EXOC6B: variants seen among roughly 807,000 people sequenced by gnomAD.
EXOC6B encodes exocyst complex component 6B, also known as SEC15 homolog B.
Under a neutral mutation model 113.5 loss-of-function variants are expected in EXOC6B, and 54 were observed. The observed-to-expected ratio is 0.48, with a 90% CI of 0.38 to 0.60. EXOC6B has a LOEUF of 0.60. EXOC6B is among the 20% of genes least tolerant of loss of function. The probability of loss-of-function intolerance (pLI) is 0.00; values close to 1 mark genes in which losing one functional copy is unlikely to be tolerated. For missense variants in EXOC6B, 797 were observed against 977.5 expected, an observed-to-expected ratio of 0.82 and a Z score of 2.46; for synonymous variants, 357 against 339.0, an observed-to-expected ratio of 1.05 and a Z score of -0.58.
At chr2:72,746,364 A>G (rs1681694337) in intron 1 of EXOC6B, among the ~76,000 whole-genome samples, 1 of 152,132 alleles carries the variant, frequency 6.6e-6, no homozygotes, top group South Asian at 2.1e-4. Flanking sequence ...ATTTGACTCA[A>G]CTAAATAAAT....
chr2:72,672,201 C>A (rs1205897975), intron 6 of EXOC6B, among the ~76,000 whole-genome samples: 25 of 105,788 alleles, frequency 2.4e-4, no homozygotes, highest in African/African-American at 7.4e-4. Flanking sequence ...GGTATATATC[C>A]AAAAAAAAAA....
At chr2:72,207,198 T>C (rs1374091261) in intron 20 of EXOC6B, among the ~76,000 whole-genome samples, 1 of 152,230 alleles carries the variant, frequency 6.6e-6, no homozygotes, top group Non-Finnish European at 1.5e-5. Context: ...AATCCCTTAT[T>C]GATGGGTATT....
intron 19 of EXOC6B, among the ~76,000 whole-genome samples, chr2:72,359,374 C>T (rs1690164308): frequency 6.6e-6 from 1 of 152,092 alleles, no homozygotes; most frequent in East Asian, 1.9e-4. Context: ...CTTGTGAGAT[C>T]ACAGCATTTG....
intron 1 of EXOC6B, among the ~76,000 whole-genome samples, chr2:72,776,097 TAC>T (rs938871331): frequency 2.3e-4 from 35 of 152,082 alleles, no homozygotes; most frequent in African/African-American, 7.7e-4. Context: ...TAAATACACA[TAC>T]ACACACACAT....
At chr2:72,287,259 C>G (rs1341595250) in intron 20 of EXOC6B, among the ~76,000 whole-genome samples, 1 of 151,572 alleles carries the variant, frequency 6.6e-6, no homozygotes, top group Non-Finnish European at 1.5e-5. Context: ...GAAACCCCGT[C>G]TCTACTAAAA....
intron 6 of EXOC6B, among the ~76,000 whole-genome samples, chr2:72,628,462 A>C (rs561366098): frequency 2.1e-4 from 32 of 152,142 alleles, no homozygotes; most frequent in South Asian, 4.2e-4. Flanking sequence ...TCTTCAATGT[A>C]TTGAGTCTTA....
intron 20 of EXOC6B, among the ~76,000 whole-genome samples, chr2:72,218,013 T>C (rs1197510383): frequency 6.6e-6 from 1 of 152,192 alleles, no homozygotes; most frequent in African/African-American, 2.4e-5. Flanking sequence ...ATGAAAAGAA[T>C]AAGGCCACAG....
chr2:72,201,335 G>A (rs1361820286), intron 20 of EXOC6B, among the ~76,000 whole-genome samples: 2 of 152,114 alleles, frequency 1.3e-5, no homozygotes, highest in East Asian at 3.9e-4. Flanking sequence ...GATGATAGAA[G>A]AATGGGGTGT....
At chr2:72,711,258 GGAA>G (rs1214496193) in intron 6 of EXOC6B, among the ~76,000 whole-genome samples, 2 of 151,732 alleles carry the variant, frequency 1.3e-5, no homozygotes, top group African/African-American at 2.4e-5. Flanking sequence ...GAAACACACA[GGAA>G]GAAGATCAAC....
intron 20 of EXOC6B, among the ~76,000 whole-genome samples, chr2:72,289,694 G>A (rs1460563462): frequency 6.6e-6 from 1 of 152,144 alleles, no homozygotes; most frequent in Non-Finnish European, 1.5e-5. Context: ...CTCTGTGAGG[G>A]TATTTCTAGA....
At chr2:72,307,161 G>GTTTTTTTTTTTTTTTTTT (rs1553371308) in intron 20 of EXOC6B, among the ~76,000 whole-genome samples, 4 of 128,512 alleles carry the variant, frequency 3.1e-5, no homozygotes, top group African/African-American at 1.1e-4. Flanking sequence ...GTATAGTCCA[G>GTTTTTTTTTTTTTTTTTT]TTTTTTTTTT....
chr2:72,498,583 C>G, intron 12 of EXOC6B, 32 bp from the exon 13 acceptor site: 1 of 1,373,024 alleles, frequency 7.3e-7, no homozygotes, highest in Middle Eastern at 1.9e-4. Flanking sequence ...ACTTCAGTGT[C>G]TAAGGAAGGA....
intron 20 of EXOC6B, among the ~76,000 whole-genome samples, chr2:72,256,730 AATCT>A (rs1385772048): frequency 2.5e-4 from 38 of 152,204 alleles, no homozygotes; most frequent in African/African-American, 8.9e-4. Flanking sequence ...TCAGCTCTGA[AATCT>A]ATCTATTTTT....
intron 20 of EXOC6B, among the ~76,000 whole-genome samples, chr2:72,325,394 T>C (rs896151393): frequency 1.4e-4 from 22 of 152,078 alleles, no homozygotes; most frequent in Non-Finnish European, 2.8e-4. Flanking sequence ...TTGGGTACCA[T>C]TGCCTCAGAG....
chr2:72,697,376 G>A (rs967488935), intron 6 of EXOC6B, among the ~76,000 whole-genome samples: 20 of 151,908 alleles, frequency 1.3e-4, no homozygotes, highest in African/African-American at 4.6e-4. Context: ...AGGTCATGTA[G>A]TAAAGCTGAA....
At chr2:72,717,324 A>C (rs570734995) in intron 6 of EXOC6B, among the ~76,000 whole-genome samples, 14 of 152,150 alleles carry the variant, frequency 9.2e-5, no homozygotes, top group Non-Finnish European at 2.9e-5. Context: ...AAAAACTACA[A>C]ATGATCTATT....
intron 20 of EXOC6B, among the ~76,000 whole-genome samples, chr2:72,289,810 C>A (rs1685673794): frequency 6.6e-6 from 1 of 152,006 alleles, no homozygotes; most frequent in Admixed American, 6.6e-5. Flanking sequence ...GTGGGAGGGC[C>A]CAGAAGATCG....
intron 17 of EXOC6B, among the ~76,000 whole-genome samples, chr2:72,479,633 T>G (rs1400823564): frequency 6.6e-6 from 1 of 152,214 alleles, no homozygotes; most frequent in Non-Finnish European, 1.5e-5. Context: ...GATCCATATT[T>G]TTAATGTTTG....
At chr2:72,379,708 C>A (rs755246350) in intron 19 of EXOC6B, 21 bp downstream of exon 19, 2 of 1,591,682 alleles carry the variant, frequency 1.3e-6, no homozygotes, top group Non-Finnish European at 1.7e-6. Flanking sequence ...TAAACAAGCA[C>A]AGGGATGGTC....
Sources: allele counts gnomAD v4.1 joint callset (sites outside exome capture counted in the v4.1 genomes callset), GRCh38; gene constraint gnomAD v4.1.1; transcripts MANE v1.5; gene names NCBI Gene and HGNC (gene_info 2026-07-23, HGNC 2026-07-21).